ABCG1: variants seen among roughly 807,000 people sequenced by gnomAD.
ABCG1 encodes ATP-binding cassette sub-family G member 1.
A neutral mutation model predicts 69.2 loss-of-function variants in ABCG1; 29 were observed. The ratio of observed to expected loss-of-function variants is 0.42; its 90% CI spans 0.31 to 0.57. ABCG1 has a LOEUF of 0.57. ABCG1 is among the 20% of genes least tolerant of loss of function. The probability of loss-of-function intolerance (pLI) is 0.15; values close to 1 mark genes in which losing one functional copy is unlikely to be tolerated. For synonymous variants in ABCG1, 370 were observed against 374.8 expected, an observed-to-expected ratio of 0.99 and a Z score of 0.15; for missense variants, 718 against 898.1, an observed-to-expected ratio of 0.80 and a Z score of 2.56.
At chr21:42,227,046 A>C (rs924221565) in intron 2 of ABCG1, among the ~76,000 whole-genome samples, 7 of 152,178 alleles carry the variant, frequency 4.6e-5, no homozygotes, top group Admixed American at 3.3e-4. Context: ...TAGCATGGGC[A>C]GTCCCATCTT....
intron 2 of ABCG1, among the ~76,000 whole-genome samples, chr21:42,208,574 T>A (rs1443442644): frequency 6.6e-6 from 1 of 152,200 alleles, no homozygotes; most frequent in East Asian, 1.9e-4. Flanking sequence ...CTTCACCCAA[T>A]AAATACCTGA....
At chr21:42,245,040 C>T (rs1037091105) in intron 2 of ABCG1, among the ~76,000 whole-genome samples, 3 of 152,252 alleles carry the variant, frequency 2.0e-5, no homozygotes, top group Admixed American at 6.5e-5. Context: ...TCTGCCCCCA[C>T]GCGCTCCACG....
In ABCG1 at chr21:42,284,545, C is replaced by A; in HGVS notation, c.735-15C>A. 1 of 1,611,954 alleles carries A rather than the reference C, an allele frequency of 6.2e-7. No homozygotes were observed. Among genetic ancestry groups the A allele is most frequent in the South Asian group, 1.1e-5 (1 of 91,080 alleles). ...TGCCGCCCGCAGGCGTCTCACGGTG[C>A]CTCTTGACTTGCAGCGGCCTGGACA... On this transcript the variant is annotated splice_polypyrimidine_tract_variant and intron_variant, in intron 6 of 14. Transcript: ENST00000398449.
chr21:42,260,076 T>C, intron 2 of ABCG1: 1 of 1,550,606 alleles, frequency 6.4e-7, no homozygotes, highest in Middle Eastern at 1.7e-4. Flanking sequence ...CAAAGTCTTG[T>C]CAGCAGCTCA....
In ABCG1 at chr21:42,276,897, G is replaced by A. The variant is rs2068721928; in HGVS notation, c.540G>A (p.Val180=). 2 of 1,614,084 alleles carry A rather than the reference G, an allele frequency of 1.2e-6. No individual in the cohort carries two copies. Among genetic ancestry groups the A allele is most frequent in the African/African-American group, 1.3e-5 (1 of 74,936 alleles). Residue 180 remains valine (V), a splice_region_variant and synonymous_variant, in exon 5 of 15, where the codon GTG becomes GTA. Coordinates refer to ENST00000398449, the MANE Select transcript of ABCG1 (RefSeq NM_016818.3). The surrounding 1 kb of genome is among the most constrained non-coding windows in gnomAD (Gnocchi z 5.3). ...ACTGTTGTCCTTGTCCCCTGCAGGT[G>A]TCGGCACATCTGAAGCTTCAGGAGA... ...PHLTVQEAMM[V]SAHLKLQEKD...
At chr21:42,257,999 T>C (rs963821953) in intron 2 of ABCG1, among the ~76,000 whole-genome samples, 11 of 130,606 alleles carry the variant, frequency 8.4e-5, no homozygotes, top group South Asian at 5.1e-4. Context: ...CCATCCTTCC[T>C]CCCATTTCCC....
chr21:42,218,226 C>G (rs913319149), upstream of ABCG1, among the ~76,000 whole-genome samples: 7 of 152,136 alleles, frequency 4.6e-5, no homozygotes, highest in Non-Finnish European at 8.8e-5. Flanking sequence ...GAAATGCATT[C>G]CTGTTTTTCG....
intron 2 of ABCG1, among the ~76,000 whole-genome samples, chr21:42,203,197 T>C (rs532366138): frequency 6.6e-6 from 1 of 152,336 alleles, no homozygotes; most frequent in Non-Finnish European, 1.5e-5. Context: ...TCTTCAGGCA[T>C]TATGAATCCT....
At chr21:42,245,775 C>T (rs528719883) in intron 2 of ABCG1, among the ~76,000 whole-genome samples, 17 of 130,672 alleles carry the variant, frequency 1.3e-4, no homozygotes, top group Admixed American at 1.3e-3. Context: ...TGAAAATCAT[C>T]TGCACATCTA....
rs759296911 is a variant in ABCG1, at chr21:42,291,463, G to A, written c.1495-35G>A. 5.2e-5 allele frequency: 82 copies of A among 1,587,754 alleles called. No homozygotes were observed. Among genetic ancestry groups the A allele is most frequent in the East Asian group, 1.4e-4 (6 of 44,354 alleles). ...CTGTTGGCCTGCTGTGGTGGGAAGCGGCTGAGCCCGCGGCTGACGGGTCCT... is the reference window on the plus strand; with the variant it reads ...CTGTTGGCCTGCTGTGGTGGGAAGCAGCTGAGCCCGCGGCTGACGGGTCCT... On this transcript the variant is annotated intron_variant, in intron 12 of 14. Transcript: ENST00000398449. The surrounding 1 kb of genome is among the most constrained non-coding windows in gnomAD (Gnocchi z 6.4).
Position 42,285,931 on chromosome 21 carries a change from C to CAAAA in ABCG1, c.910_911insAAAA (p.Leu304GlnfsTer33). The stretch of plus-strand genomic sequence containing the variant: ...TGTGTACCGGGGAAAAGTCTGCAAT[C>CAAAA]TTGTGCCATATTTGAGGGATTTGGG... On this transcript the variant is annotated frameshift_variant, in exon 8 of 15. Coordinates refer to ENST00000398449, the MANE Select transcript of ABCG1 (RefSeq NM_016818.3). LOFTEE classifies it high-confidence loss of function. 6.2e-7 allele frequency: 1 copy of CAAAA among 1,614,124 alleles called. No individual in the cohort carries two copies. The highest frequency in any genetic ancestry group is 8.5e-7 in the Non-Finnish European group (1 of 1,180,014).
chr21:42,270,003 C>T (rs927236728), intron 2 of ABCG1, among the ~76,000 whole-genome samples: 4 of 150,780 alleles, frequency 2.7e-5, no homozygotes, highest in Non-Finnish European at 4.4e-5. Context: ...CGGTGGCTCA[C>T]GCCTGTAATC....
At chr21:42,213,587 C>T (rs928595648), upstream of ABCG1, among the ~76,000 whole-genome samples, 1 of 152,246 alleles carries the variant, frequency 6.6e-6, no homozygotes, top group South Asian at 2.1e-4. Flanking sequence ...CCTGAGAGAG[C>T]CACAGGCAGG....
rs750769353 is a variant in ABCG1, at chr21:42,226,032, C to T, written c.286+118C>T. ...GAGGCTGAGCTTCTCTTCCCAACGC[C>T]GTCACTGCTGTGGTCAATTTATTCT... On this transcript the variant is annotated intron_variant, in intron 2 of 14. Transcript: ENST00000398449. 2.3e-5 allele frequency: 27 copies of T among 1,181,448 alleles called. 1 individual carries two copies. The Admixed American group carries it at 3.8e-4, about 17-fold the overall frequency. 73.2% of individuals were successfully genotyped at this position (1,181,448 alleles called of 1,614,324 possible). A position where few individuals can be genotyped will look rare whatever the true frequency, so the allele number is the denominator to read the frequency against.
At chr21:42,283,590 G>A (rs2068854203) in intron 6 of ABCG1, among the ~76,000 whole-genome samples, 2 of 152,210 alleles carry the variant, frequency 1.3e-5, no homozygotes, top group Admixed American at 6.5e-5. Context: ...GGGAGTGGGG[G>A]TGGTGACTGC....
chr21:42,235,789 G>T (rs1413817926), intron 2 of ABCG1, among the ~76,000 whole-genome samples: 1 of 152,208 alleles, frequency 6.6e-6, no homozygotes, highest in African/African-American at 2.4e-5. Context: ...GGTCTGTGTT[G>T]ATGTTAATGT....
At chr21:42,293,291 A>C (rs2146353049) in intron 13 of ABCG1, among the ~76,000 whole-genome samples, 1 of 131,764 alleles carries the variant, frequency 7.6e-6, no homozygotes, top group African/African-American at 2.9e-5. Flanking sequence ...TACACAGTAC[A>C]CACCACACAC....
chr21:42,256,256 C>A, intron 2 of ABCG1: 1 of 1,491,404 alleles, frequency 6.7e-7, no homozygotes. Context: ...ACAGACAGAA[C>A]ACTTACCTGC....
At chr21:42,216,682 G>A (rs776666924), upstream of ABCG1, among the ~76,000 whole-genome samples, 4 of 152,152 alleles carry the variant, frequency 2.6e-5, no homozygotes, top group African/African-American at 4.8e-5. Context: ...ACAGGTCTTT[G>A]GTCCCAGTAG....
Sources: gnomAD v4.1 joint callset for allele counts (sites outside exome capture counted in the v4.1 genomes callset) on GRCh38, gnomAD v4.1.1 for gene constraint, Gnocchi (gnomAD v3.1) non-coding constraint, MANE v1.5 for transcripts, NCBI Gene and HGNC (gene_info 2026-07-23, HGNC 2026-07-21) for gene names.